The following TOPAZ1 variants were observed in gnomAD, a reference collection of about 807,000 sequenced individuals.
TOPAZ1 encodes protein TOPAZ1.
Under a neutral mutation model 172.2 loss-of-function variants are expected in TOPAZ1, and 66 were observed. The observed-to-expected ratio is 0.38, with a 90% CI of 0.31 to 0.47. The LOEUF (loss-of-function observed/expected upper bound fraction) is 0.47. TOPAZ1 is among the 20% of genes least tolerant of loss of function. The pLI is 0.99. For synonymous variants in TOPAZ1, 681 were observed against 683.9 expected (o/e 1.00, Z 0.07); for missense variants, 1,822 against 1,972.4 (o/e 0.92, Z 1.44).
At position 44,243,973 on chromosome 3, in the gene TOPAZ1, T is replaced by A; in HGVS notation, c.1467T>A (p.Thr489=). 1 of 1,552,322 alleles carries A rather than the reference T, an allele frequency of 6.4e-7. No homozygotes were observed. The highest frequency in any genetic ancestry group is 1.2e-5 in the South Asian group (1 of 84,062). The change falls in exon 2 of 20, where the codon ACT becomes ACA. Residue 489 remains threonine (T), a synonymous_variant. Transcript: ENST00000309765. ...GCTGTCAGAGAACAATACCTATGAC[T>A]GGTAAAAGAACTTGGCCCTATTATT... The part of the protein sequence containing the change: ...KLSCQRTIPM[T]GKRTWPYYSC...
chr3:44,260,147 C>T (rs1699759482), intron 4 of TOPAZ1, among the ~76,000 whole-genome samples: 1 of 152,166 alleles, frequency 6.6e-6, no homozygotes, highest in African/African-American at 2.4e-5. Context: ...TGAGGCCTCC[C>T]CAGCCGTGCT....
chr3:44,259,022 G>C (rs776643385), intron 4 of TOPAZ1, among the ~76,000 whole-genome samples: 1 of 152,184 alleles, frequency 6.6e-6, no homozygotes. Context: ...TTTGGGCCAA[G>C]TTATAAGTAG....
intron 11 of TOPAZ1, among the ~76,000 whole-genome samples, chr3:44,289,072 C>G (rs936110499): frequency 6.6e-6 from 1 of 152,106 alleles, no homozygotes; most frequent in African/African-American, 2.4e-5. Flanking sequence ...TAGATTGTTA[C>G]CTAGTCTGTT....
rs184663028 is a variant in TOPAZ1, at chr3:44,294,725, C to G, written c.3797+3839C>G. ...TTCAACATGTTGCCCAGTCTGGTCTCGAACTCCTGGGCTCAAGTGATCTGC... is the reference window on the plus strand; with the variant it reads ...TTCAACATGTTGCCCAGTCTGGTCTGGAACTCCTGGGCTCAAGTGATCTGC... On this transcript the variant is annotated intron_variant, in intron 12 of 19. Transcript: ENST00000309765. Among the ~76,000 whole-genome samples, 494 of 152,222 alleles carry G rather than the reference C, an allele frequency of 3.2e-3. 2 individuals carry two copies. The highest frequency in any genetic ancestry group is 0.01 in the Admixed American group (154 of 15,286).
intron 9 of TOPAZ1, among the ~76,000 whole-genome samples, chr3:44,283,748 T>C (rs1345954138): frequency 6.6e-6 from 1 of 152,172 alleles, no homozygotes. Flanking sequence ...CGTGTGCACA[T>C]ATGTGCATGG....
chr3:44,301,908 G>T (rs1163923206), intron 12 of TOPAZ1, among the ~76,000 whole-genome samples: 1 of 152,046 alleles, frequency 6.6e-6, no homozygotes, highest in Non-Finnish European at 1.5e-5. Context: ...TCAAGGTTAT[G>T]TTTTATTGCA....
At chr3:44,256,542 T>C (rs546467398) in intron 4 of TOPAZ1, among the ~76,000 whole-genome samples, 19 of 152,316 alleles carry the variant, frequency 1.2e-4, no homozygotes, top group African/African-American at 4.1e-4. Context: ...GTCACAAACC[T>C]ATGAAAGTCT....
At chr3:44,310,647 A>G (rs1299188303) in intron 16 of TOPAZ1, among the ~76,000 whole-genome samples, 1 of 152,250 alleles carries the variant, frequency 6.6e-6, no homozygotes, top group Admixed American at 6.5e-5. Flanking sequence ...TGTCAGAGAT[A>G]TTAACCAACT....
At position 44,244,709 on chromosome 3, in the gene TOPAZ1, G is replaced by A. The variant is rs1392001378; in HGVS notation, c.2203G>A (p.Val735Ile). The change falls in exon 2 of 20, where the codon GTC (valine) becomes ATC (isoleucine). Residue 735 changes from valine (V) to isoleucine (I), a missense_variant. Val to Ile is a conservative substitution (Grantham distance 29, BLOSUM62 3). Transcript: ENST00000309765. ...AAGACAGAACAGGAGTAAAGAAAATGTCTCCATGATGATGTTAGGACCTCA... is the reference window on the plus strand; with the variant it reads ...AAGACAGAACAGGAGTAAAGAAAATATCTCCATGATGATGTTAGGACCTCA... ...DVRQNRSKENVSMMMLGPQTL... is the reference protein window; with the variant it reads ...DVRQNRSKENISMMMLGPQTL... 1.3e-6 allele frequency: 2 copies of A among 1,551,306 alleles called. No individual in the cohort carries two copies.
intron 11 of TOPAZ1, among the ~76,000 whole-genome samples, chr3:44,288,592 G>C (rs938929758): frequency 1.1e-4 from 17 of 152,138 alleles, no homozygotes; most frequent in African/African-American, 4.1e-4. Flanking sequence ...GGCTGAGTCA[G>C]GAGAATTGCT....
intron 19 of TOPAZ1, among the ~76,000 whole-genome samples, chr3:44,330,397 A>G: frequency 6.6e-6 from 1 of 152,144 alleles, no homozygotes; most frequent in East Asian, 1.9e-4. Context: ...TGTCCAAACC[A>G]ATATATTTTC....
At chr3:44,321,459 C>A (rs1700505479) in intron 17 of TOPAZ1, among the ~76,000 whole-genome samples, 1 of 152,188 alleles carries the variant, frequency 6.6e-6, no homozygotes, top group South Asian at 2.1e-4. Context: ...TCTGTCAAGT[C>A]ATCAGCAAAC....
chr3:44,251,276 A>C (rs1322215048), intron 2 of TOPAZ1, among the ~76,000 whole-genome samples: 2 of 152,086 alleles, frequency 1.3e-5, no homozygotes, highest in Non-Finnish European at 1.5e-5. Context: ...GCATGCCGCC[A>C]CACCTGGCTA....
intron 9 of TOPAZ1, among the ~76,000 whole-genome samples, chr3:44,282,366 C>T (rs561737032): frequency 6.6e-6 from 1 of 152,270 alleles, no homozygotes; most frequent in African/African-American, 2.4e-5. Context: ...CTTCATCCTT[C>T]TTCTCTTTTT....
chr3:44,306,850 A>C (rs1028557551), intron 15 of TOPAZ1, among the ~76,000 whole-genome samples: 7 of 152,188 alleles, frequency 4.6e-5, no homozygotes, highest in African/African-American at 1.7e-4. Flanking sequence ...TAACTCCCAT[A>C]AGTTTAGTGT....
At chr3:44,315,766 A>G (rs1020570381) in intron 16 of TOPAZ1, among the ~76,000 whole-genome samples, 7 of 152,012 alleles carry the variant, frequency 4.6e-5, no homozygotes, top group Admixed American at 1.3e-4. Flanking sequence ...AGTTCCATTT[A>G]TATCTACTCA....
Position 44,269,287 on chromosome 3 carries a change from GA to G in TOPAZ1, c.3239del (p.Asn1080MetfsTer9). 6.5e-6 allele frequency: 10 copies of G among 1,543,250 alleles called. No homozygotes were observed. The highest frequency in any genetic ancestry group is 1.2e-5 in the South Asian group (1 of 83,718). ...TGAAACTTGTGAAATATTCAAGAGGGAAAAAAATGTGGGGGTAAGTCTACTT... is the reference window on the plus strand; with the variant it reads ...TGAAACTTGTGAAATATTCAAGAGGGAAAAAATGTGGGGGTAAGTCTACTT... ...NPETCEIFKR[E>X]KNVGVFQKSL... On this transcript the variant is annotated frameshift_variant, in exon 7 of 20. Coordinates refer to ENST00000309765, the MANE Select transcript of TOPAZ1 (RefSeq NM_001145030.2). LOFTEE classifies it high-confidence loss of function.
chr3:44,298,909 A>ATATATATTT (rs1287571186), intron 12 of TOPAZ1, among the ~76,000 whole-genome samples: 17 of 41,322 alleles, frequency 4.1e-4, no homozygotes, highest in African/African-American at 6.2e-4. Context: ...ATATATATAT[A>ATATATATTT]TTTTTTTTTT....
At chr3:44,251,018 C>G (rs1443134149) in intron 2 of TOPAZ1, among the ~76,000 whole-genome samples, 1 of 152,186 alleles carries the variant, frequency 6.6e-6, no homozygotes, top group Non-Finnish European at 1.5e-5. Flanking sequence ...AAATTTGTAG[C>G]AGTCCTATCC....
Sources: allele counts gnomAD v4.1 joint callset (sites outside exome capture counted in the v4.1 genomes callset), GRCh38; gene constraint gnomAD v4.1.1; transcripts MANE v1.5; gene names NCBI Gene and HGNC (gene_info 2026-07-23, HGNC 2026-07-21).